Variants in B3GALT1 observed in about 807,000 individuals in gnomAD.
B3GALT1 encodes the protein UDP-Gal:betaGlcNAc beta 1,3-galactosyltransferase, polypeptide 1.
A neutral mutation model predicts 23.2 loss-of-function variants in B3GALT1; 10 were observed. The ratio of observed to expected loss-of-function variants is 0.43; its 90% CI spans 0.27 to 0.73. The LOEUF is 0.73. Among genes scored for constraint, B3GALT1 ranks in the 30% least tolerant of loss-of-function variants. The pLI, the probability that B3GALT1 is intolerant of heterozygous loss-of-function variation, is 0.21. For synonymous variants in B3GALT1, 156 were observed against 141.5 expected, an observed-to-expected ratio of 1.10 and a Z score of -0.73; for missense variants, 299 against 405.4, an observed-to-expected ratio of 0.74 and a Z score of 2.25.
chr2:167,322,187 A>G (rs10803821), intron 1 of B3GALT1, among the ~76,000 whole-genome samples: 120,479 of 151,690 alleles, frequency 0.79, 49,354 homozygotes, highest in Non-Finnish European at 0.9. Flanking sequence ...CTATGAAAAA[A>G]TATTTCGAAA....
chr2:167,791,696 A>G (rs1268715123), intron 3 of B3GALT1, among the ~76,000 whole-genome samples: 1 of 152,204 alleles, frequency 6.6e-6, no homozygotes, highest in East Asian at 1.9e-4. Context: ...ATTTCCACAT[A>G]AAGTGAGCAT....
intron 3 of B3GALT1, among the ~76,000 whole-genome samples, chr2:167,656,309 G>C (rs528416526): frequency 6.6e-6 from 1 of 152,084 alleles, no homozygotes; most frequent in African/African-American, 2.4e-5. Flanking sequence ...TTCAACACTT[G>C]TAGATAATCA....
chr2:167,345,268 C>T (rs923308747), intron 1 of B3GALT1, among the ~76,000 whole-genome samples: 2 of 152,016 alleles, frequency 1.3e-5, no homozygotes, highest in Non-Finnish European at 2.9e-5. Flanking sequence ...ACTATAGGCT[C>T]ATGAAGTGTA....
At chr2:167,804,845 A>C (rs1688716500) in intron 3 of B3GALT1, among the ~76,000 whole-genome samples, 1 of 152,162 alleles carries the variant, frequency 6.6e-6, no homozygotes, top group African/African-American at 2.4e-5. Flanking sequence ...TATACCCAGT[A>C]ATGGGATTGC....
chr2:167,714,016 A>G lies in B3GALT1; in HGVS notation c.-352+67050A>G, dbSNP rs1405998761. The G allele has an allele frequency of 2.6e-6, 4 of 1,544,504 alleles. No individual in the cohort carries two copies. In the Admixed American group the frequency reaches 5.0e-5, roughly 19 times the overall value. On this transcript the variant is annotated intron_variant, in intron 3 of 4. Coordinates refer to ENST00000392690, the MANE Select transcript of B3GALT1 (RefSeq NM_020981.4). ...GAATAAAGCCGGGGCCAGTTGCTTCATTTTCGGCAGGGAGAGATGAATCAG... is the reference window on the plus strand; with the variant it reads ...GAATAAAGCCGGGGCCAGTTGCTTCGTTTTCGGCAGGGAGAGATGAATCAG...
chr2:167,408,108 C>T (rs917955518), intron 1 of B3GALT1, among the ~76,000 whole-genome samples: 5 of 149,706 alleles, frequency 3.3e-5, no homozygotes, highest in East Asian at 2.0e-4. Context: ...CACTGGTGAA[C>T]GTAGACACAA....
chr2:167,510,773 A>G (rs1355239490), intron 2 of B3GALT1, among the ~76,000 whole-genome samples: 1 of 152,168 alleles, frequency 6.6e-6, no homozygotes, highest in Non-Finnish European at 1.5e-5. Flanking sequence ...TGCACAGTTT[A>G]AATTTGAGAT....
intron 4 of B3GALT1, among the ~76,000 whole-genome samples, chr2:167,850,649 C>T (rs1481369158): frequency 2.6e-5 from 4 of 152,204 alleles, no homozygotes; most frequent in African/African-American, 9.7e-5. Context: ...CCCAAATGCC[C>T]ATCAATCAAG....
intron 3 of B3GALT1, among the ~76,000 whole-genome samples, chr2:167,697,299 G>A (rs1686803476): frequency 6.6e-6 from 1 of 152,196 alleles, no homozygotes; most frequent in African/African-American, 2.4e-5. Flanking sequence ...GGGAAAAGAA[G>A]CCATGCCATG....
chr2:167,655,131 A>C (rs1267357621), intron 3 of B3GALT1, among the ~76,000 whole-genome samples: 1 of 152,188 alleles, frequency 6.6e-6, no homozygotes, highest in East Asian at 1.9e-4. Flanking sequence ...ATACTTAATG[A>C]GATACACAAA....
At chr2:167,799,385 G>T (rs1688598247) in intron 3 of B3GALT1, among the ~76,000 whole-genome samples, 1 of 151,860 alleles carries the variant, frequency 6.6e-6, no homozygotes, top group Non-Finnish European at 1.5e-5. Context: ...ATGTTACTTT[G>T]TATACCTTTG....
At chr2:167,817,201 A>G (rs1689012095) in intron 3 of B3GALT1, among the ~76,000 whole-genome samples, 2 of 152,250 alleles carry the variant, frequency 1.3e-5, no homozygotes, top group African/African-American at 4.8e-5. Context: ...ACATTGAACA[A>G]TAGACTTGCT....
chr2:167,825,159 C>A (rs1237838895), intron 4 of B3GALT1, among the ~76,000 whole-genome samples: 1 of 151,070 alleles, frequency 6.6e-6, no homozygotes, highest in African/African-American at 2.5e-5. Context: ...GTGGCGGGCA[C>A]CTGTAGTCCA....
At chr2:167,632,818 A>G (rs1224723666) in intron 2 of B3GALT1, among the ~76,000 whole-genome samples, 1 of 151,886 alleles carries the variant, frequency 6.6e-6, no homozygotes, top group South Asian at 2.1e-4. Context: ...CCATTTGTCA[A>G]TTTTGGCTTT....
At chr2:167,662,528 A>T (rs1686078479) in intron 3 of B3GALT1, among the ~76,000 whole-genome samples, 1 of 152,100 alleles carries the variant, frequency 6.6e-6, no homozygotes, top group Non-Finnish European at 1.5e-5. Context: ...ATGGAATGGC[A>T]TCATGTCTCC....
intron 1 of B3GALT1, among the ~76,000 whole-genome samples, chr2:167,468,600 G>A (rs1454183568): frequency 6.6e-6 from 1 of 152,114 alleles, no homozygotes; most frequent in African/African-American, 2.4e-5. Flanking sequence ...GGCCAGGCGC[G>A]GTGGCTCACA....
Position 167,871,390 on chromosome 2 carries a change from A to G in B3GALT1, c.*1370A>G, listed in dbSNP as rs1369136942. On this transcript the variant is annotated 3_prime_UTR_variant, in exon 5 of 5. Coordinates refer to ENST00000392690, the MANE Select transcript of B3GALT1 (RefSeq NM_020981.4). The stretch of plus-strand genomic sequence containing the variant: ...TTGCATAATTACAATGATGGTCATC[A>G]GTAGCAGTAATATCATCTTAATATA... The G allele has an allele frequency of 6.6e-6, 1 of 152,236 alleles. No individual in the cohort carries two copies. The highest frequency in any genetic ancestry group is 1.5e-5 in the Non-Finnish European group (1 of 68,046). 9.4% of individuals were successfully genotyped at this position (152,236 alleles called of 1,614,324 possible).
intron 3 of B3GALT1, among the ~76,000 whole-genome samples, chr2:167,782,282 C>A (rs539914825): frequency 1.6e-4 from 25 of 152,178 alleles, no homozygotes; most frequent in African/African-American, 6.0e-4. Context: ...AGAGGAACGG[C>A]GATGCCCCTG....
intron 3 of B3GALT1, among the ~76,000 whole-genome samples, chr2:167,698,446 T>A (rs1686820266): frequency 6.6e-6 from 1 of 152,188 alleles, no homozygotes; most frequent in Non-Finnish European, 1.5e-5. Context: ...TTAGAGATTA[T>A]CTCCCTCAAA....
Sources: gnomAD v4.1 joint callset for allele counts (sites outside exome capture counted in the v4.1 genomes callset) on GRCh38, gnomAD v4.1.1 for gene constraint, MANE v1.5 for transcripts, NCBI Gene and HGNC (gene_info 2026-07-23, HGNC 2026-07-21) for gene names.